The following MALRD1 variants were observed in gnomAD, a reference collection of about 807,000 sequenced individuals.
MALRD1 encodes the protein MAM and LDL-receptor class A domain-containing protein 1.
MALRD1 carries 247 observed loss-of-function variants against 242.1 expected under a neutral mutation model. The observed-to-expected ratio is 1.02, with a 90% CI of 0.92 to 1.13. The LOEUF (loss-of-function observed/expected upper bound fraction) is 1.13, where lower values mean the gene tolerates loss of function less well. Ranked by LOEUF, MALRD1 falls within the 50% of genes most tolerant of loss-of-function variation. The probability of loss-of-function intolerance (pLI) is 0.00; values close to 1 mark genes in which losing one functional copy is unlikely to be tolerated. For missense variants in MALRD1, 2,989 were observed against 2,533.1 expected (o/e 1.18, Z -3.86); for synonymous variants, 995 against 866.6 (o/e 1.15, Z -2.60).
chr10:19,541,688 G>A lies in MALRD1; in HGVS notation c.5478+10337G>A, dbSNP rs117317989. ...GTGCCAGAGACACTTAGGATCCTGC[G>A]ACAAGGTACACTTAGGAGTGTGTCA... On this transcript the variant is annotated intron_variant, in intron 32 of 39. Transcript: ENST00000454679. Among the ~76,000 whole-genome samples, 241 of 152,256 alleles carry A rather than the reference G, an allele frequency of 1.6e-3. 2 individuals carry two copies. Among genetic ancestry groups the A allele is most frequent in the Middle Eastern group, 6.8e-3 (2 of 294 alleles).
intron 31 of MALRD1, among the ~76,000 whole-genome samples, chr10:19,524,457 A>G (rs2131326632): frequency 6.6e-6 from 1 of 150,702 alleles, no homozygotes; most frequent in East Asian, 2.0e-4. Flanking sequence ...AGCCTGGGAG[A>G]CAGAGTAAGA....
intron 36 of MALRD1, among the ~76,000 whole-genome samples, chr10:19,630,808 G>A (rs1839863755): frequency 6.6e-6 from 1 of 152,002 alleles, no homozygotes; most frequent in South Asian, 2.1e-4. Context: ...AATTGCCCTA[G>A]CAAACAAATA....
chr10:19,543,837 A>AG (rs1835089983), intron 32 of MALRD1, among the ~76,000 whole-genome samples: 1 of 152,190 alleles, frequency 6.6e-6, no homozygotes, highest in African/African-American at 2.4e-5. Context: ...GTGTATATTC[A>AG]GGGCAACTGG....
At chr10:19,528,953 TG>T (rs1314041522) in intron 31 of MALRD1, among the ~76,000 whole-genome samples, 2 of 152,172 alleles carry the variant, frequency 1.3e-5, no homozygotes, top group Non-Finnish European at 2.9e-5. Context: ...CAAGTACTGG[TG>T]TAGGAATCCT....
In MALRD1 at chr10:19,713,044, A is replaced by AG. The variant is rs35599289; in HGVS notation, c.6315-17654dup. On this transcript the variant is annotated intron_variant, in intron 38 of 39. Coordinates refer to ENST00000454679, the MANE Select transcript of MALRD1 (RefSeq NM_001142308.3). ...AATAATTCTTAGAAACCAGAAATGA[A>AG]GGGGGGGGTTCCTCTTTCAGCTTTG... Among the ~76,000 whole-genome samples, 35 of 147,690 alleles carry AG rather than the reference A, an allele frequency of 2.4e-4. 1 individual carries two copies. In the South Asian group the frequency reaches 3.0e-3, roughly 13 times the overall value.
chr10:19,057,677 G>A (rs189873789), intron 1 of MALRD1, among the ~76,000 whole-genome samples: 69 of 152,268 alleles, frequency 4.5e-4, no homozygotes, highest in African/African-American at 1.6e-3. Flanking sequence ...TTAATGGGAT[G>A]TTTCAATGGT....
At chr10:19,402,553 A>G (rs148275844) in intron 28 of MALRD1, among the ~76,000 whole-genome samples, 12 of 152,260 alleles carry the variant, frequency 7.9e-5, no homozygotes, top group African/African-American at 2.9e-4. Flanking sequence ...CTGTGAGTCA[A>G]TTAAACTTCT....
intron 34 of MALRD1, among the ~76,000 whole-genome samples, chr10:19,603,212 T>C (rs1838449698): frequency 6.6e-6 from 1 of 152,332 alleles, no homozygotes; most frequent in Non-Finnish European, 1.5e-5. Flanking sequence ...ATCTCATTTG[T>C]CAATTTTGGC....
chr10:19,445,184 G>A (rs1484907421), intron 28 of MALRD1, among the ~76,000 whole-genome samples: 2 of 152,048 alleles, frequency 1.3e-5, no homozygotes, highest in East Asian at 1.9e-4. Flanking sequence ...TATTTATGCT[G>A]TTTTTTCTAG....
Position 19,428,626 on chromosome 10 carries a change from A to G in MALRD1, c.4846-21681A>G, listed in dbSNP as rs1298582796. 1.3e-5 allele frequency among the ~76,000 whole-genome samples: 2 copies of G among 152,136 alleles called. 1 individual carries two copies. The highest frequency in any genetic ancestry group is 3.9e-4 in the East Asian group (2 of 5,190). Reference sequence around the variant, plus strand: ...TTTAATGATCACAACCTTATGGTTTAGGTGCTAAAGTTCACACACCCCTAT... The same window carrying G: ...TTTAATGATCACAACCTTATGGTTTGGGTGCTAAAGTTCACACACCCCTAT... On this transcript the variant is annotated intron_variant, in intron 28 of 39. Transcript: ENST00000454679.
At chr10:19,324,435 A>G (rs561754392) in intron 22 of MALRD1, among the ~76,000 whole-genome samples, 1 of 152,118 alleles carries the variant, frequency 6.6e-6, no homozygotes, top group Non-Finnish European at 1.5e-5. Context: ...CACTTGGGTA[A>G]TATCTGGATG....
At chr10:19,172,411 C>G (rs976907091) in intron 13 of MALRD1, among the ~76,000 whole-genome samples, 4 of 151,134 alleles carry the variant, frequency 2.6e-5, no homozygotes, top group African/African-American at 9.7e-5. Flanking sequence ...ATGAATTTAA[C>G]TATGTAGAAG....
Position 19,319,810 on chromosome 10 carries a change from G to C in MALRD1, c.3420-4139G>C, listed in dbSNP as rs567395099. On this transcript the variant is annotated intron_variant, in intron 21 of 39. Coordinates refer to ENST00000454679, the MANE Select transcript of MALRD1 (RefSeq NM_001142308.3). ...CCTGCGTAATAAGATGATCACCTTT[G>C]TATTTAGGAGTTCAACATGTGAATT... Among the ~76,000 whole-genome samples the C allele has an allele frequency of 2.6e-5, 4 of 152,044 alleles. No individual in the cohort carries two copies. The East Asian group carries it at 5.8e-4, about 22-fold the overall frequency.
intron 33 of MALRD1, among the ~76,000 whole-genome samples, chr10:19,587,194 A>G (rs4747380): frequency 0.52 from 78,626 of 151,996 alleles, 20,472 homozygotes; most frequent in African/African-American, 0.56. Context: ...CTTCTGCGTC[A>G]CTCACGCTAG....
At chr10:19,183,587 ACTTT>A (rs1213174320) in intron 14 of MALRD1, among the ~76,000 whole-genome samples, 11 of 152,070 alleles carry the variant, frequency 7.2e-5, no homozygotes, top group Admixed American at 5.9e-4. Flanking sequence ...AACACAATTT[ACTTT>A]CTTTTTTACA....
intron 2 of MALRD1, among the ~76,000 whole-genome samples, chr10:19,069,304 CAT>C (rs1441336020): frequency 6.6e-6 from 1 of 151,902 alleles, no homozygotes; most frequent in Non-Finnish European, 1.5e-5. Flanking sequence ...TATTATGAAA[CAT>C]GTACGCTATT....
chr10:19,640,379 G>A lies in MALRD1; in HGVS notation c.6137+24456G>A, dbSNP rs528357075. Among the ~76,000 whole-genome samples, 7 of 152,206 alleles carry A rather than the reference G, an allele frequency of 4.6e-5. No individual in the cohort carries two copies. In the East Asian group the frequency reaches 5.8e-4, roughly 13 times the overall value. ...GCTGTGATTACAGGCATGAGCCACC[G>A]CACCCGGACTTCATTGTCTTCTACT... On this transcript the variant is annotated intron_variant, in intron 36 of 39. Coordinates refer to ENST00000454679, the MANE Select transcript of MALRD1 (RefSeq NM_001142308.3).
In MALRD1 at chr10:19,275,555, A is replaced by G. The variant is rs953594044; in HGVS notation, c.3080-4492A>G. ...GTGGTGGCGGGCGCCTGTAGTCCCCACTACTCAGGTGGCTGAGGCAGGAGA... is the reference window on the plus strand; with the variant it reads ...GTGGTGGCGGGCGCCTGTAGTCCCCGCTACTCAGGTGGCTGAGGCAGGAGA... On this transcript the variant is annotated intron_variant, in intron 19 of 39. Transcript: ENST00000454679. Among the ~76,000 whole-genome samples, 27 of 152,152 alleles carry G rather than the reference A, an allele frequency of 1.8e-4. No individual in the cohort carries two copies. In the East Asian group the frequency reaches 2.1e-3, roughly 12 times the overall value.
chr10:19,248,563 C>G (rs760429897), intron 18 of MALRD1, among the ~76,000 whole-genome samples: 5 of 151,678 alleles, frequency 3.3e-5, no homozygotes, highest in Non-Finnish European at 7.4e-5. Flanking sequence ...CATTTGACAC[C>G]TATTAGTGAC....
Sources: allele counts gnomAD v4.1 joint callset (sites outside exome capture counted in the v4.1 genomes callset), GRCh38; gene constraint gnomAD v4.1.1; transcripts MANE v1.5; gene names NCBI Gene and HGNC (gene_info 2026-07-23, HGNC 2026-07-21).